GRIN2B: variants seen among roughly 807,000 people sequenced by gnomAD.
The protein encoded by GRIN2B is glutamate receptor ionotropic, NMDA 2B.
Under a neutral mutation model 114.5 loss-of-function variants are expected in GRIN2B, and 5 were observed. That is an observed-to-expected ratio of 0.04 (90% CI 0.02 to 0.09). The LOEUF is 0.09. GRIN2B is among the 10% of genes least tolerant of loss of function. The pLI, the probability that GRIN2B is intolerant of heterozygous loss-of-function variation, is 1.00. For missense variants in GRIN2B, 1,108 were observed against 1,943.5 expected (o/e 0.57, Z 8.08); for synonymous variants, 787 against 745.1 (o/e 1.06, Z -0.92).
intron 5 of GRIN2B, among the ~76,000 whole-genome samples, chr12:13,654,972 G>A (rs1265425162): frequency 1.3e-5 from 2 of 151,936 alleles, no homozygotes; most frequent in Non-Finnish European, 2.9e-5. Flanking sequence ...GAACCCAGGA[G>A]AACAAAAAAC....
At chr12:13,566,286 T>C (rs1948638472) in intron 13 of GRIN2B, among the ~76,000 whole-genome samples, 1 of 152,206 alleles carries the variant, frequency 6.6e-6, no homozygotes, top group South Asian at 2.1e-4. Flanking sequence ...AGACCTTCAT[T>C]CTAAAAGGAC....
intron 5 of GRIN2B, among the ~76,000 whole-genome samples, chr12:13,663,973 A>G (rs1949950132): frequency 6.6e-6 from 1 of 152,236 alleles, no homozygotes; most frequent in Admixed American, 6.5e-5. Context: ...TTAAAACTTT[A>G]CAGTTTGAGG....
At chr12:13,867,015 A>T (rs1054736138) in intron 2 of GRIN2B, among the ~76,000 whole-genome samples, 3 of 152,226 alleles carry the variant, frequency 2.0e-5, no homozygotes, top group Non-Finnish European at 4.4e-5. Flanking sequence ...TTTGTATTCC[A>T]ATATGTGTTC....
At chr12:13,666,251 CTTTAAG>C (rs1949974265) in intron 5 of GRIN2B, among the ~76,000 whole-genome samples, 1 of 152,160 alleles carries the variant, frequency 6.6e-6, no homozygotes. Context: ...CACAGATTTG[CTTTAAG>C]TTTAAACCTT....
At chr12:13,792,343 A>G (rs982123662) in intron 3 of GRIN2B, among the ~76,000 whole-genome samples, 1 of 152,272 alleles carries the variant, frequency 6.6e-6, no homozygotes, top group African/African-American at 2.4e-5. Flanking sequence ...TAACAGAGCT[A>G]TAGTCATAGG....
At chr12:13,631,168 A>G (rs947272304) in intron 5 of GRIN2B, among the ~76,000 whole-genome samples, 1 of 152,178 alleles carries the variant, frequency 6.6e-6, no homozygotes, top group African/African-American at 2.4e-5. Context: ...GAGCCAAACC[A>G]TATCAGGTGC....
rs141881935 is a variant in GRIN2B, at chr12:13,547,881, C to T, written c.*14902G>A. 7.0e-4 allele frequency: 105 copies of T among 150,946 alleles called. No individual in the cohort carries two copies. Among genetic ancestry groups the T allele is most frequent in the African/African-American group, 2.5e-3 (102 of 41,200 alleles). The allele number at this position is 150,946 out of a possible 1,614,324, so 9.4% of individuals were successfully genotyped here. ...GAATTCCTTGCCCATCTTCTAACTTCCACCCAGATATCTGGCTTCTGTCAA... is the reference window on the plus strand; with the variant it reads ...GAATTCCTTGCCCATCTTCTAACTTTCACCCAGATATCTGGCTTCTGTCAA... On this transcript the variant is annotated 3_prime_UTR_variant, in exon 14 of 14. Transcript: ENST00000609686.
chr12:13,554,165 G>C lies in GRIN2B; in HGVS notation c.*8618C>G, dbSNP rs563612317. The C allele has an allele frequency of 6.6e-6, 1 of 152,224 alleles. No individual in the cohort carries two copies. Among genetic ancestry groups the C allele is most frequent in the South Asian group, 2.1e-4 (1 of 4,806 alleles). 9.4% of individuals were successfully genotyped at this position (152,224 alleles called of 1,614,324 possible). On this transcript the variant is annotated 3_prime_UTR_variant, in exon 14 of 14. Transcript: ENST00000609686. ...CAAGGCACTCTGTTTAGTGCTACAG[G>C]AGATAAAAAGATTTAAAAATACATG...
At position 13,610,871 on chromosome 12, in the gene GRIN2B, C is replaced by G. The variant is rs116237212; in HGVS notation, c.1780+854G>C. 8.0e-3 allele frequency among the ~76,000 whole-genome samples: 1,221 copies of G among 152,202 alleles called. 17 individuals are homozygous for G. Among genetic ancestry groups the G allele is most frequent in the African/African-American group, 0.028 (1,145 of 41,508 alleles). On this transcript the variant is annotated intron_variant, in intron 9 of 13. Coordinates refer to ENST00000609686, the MANE Select transcript of GRIN2B (RefSeq NM_000834.5). ...CCAAGCACCTGTGTCTTTTAGATGCCCCATAGATCATTCTTATGTGTAGCC... is the reference window on the plus strand; with the variant it reads ...CCAAGCACCTGTGTCTTTTAGATGCGCCATAGATCATTCTTATGTGTAGCC...
At chr12:13,792,805 C>A (rs553217555) in intron 3 of GRIN2B, among the ~76,000 whole-genome samples, 2 of 152,292 alleles carry the variant, frequency 1.3e-5, no homozygotes, top group Admixed American at 6.5e-5. Flanking sequence ...CCAGGAAAAA[C>A]CAGGAAACAC....
At chr12:13,884,010 T>A (rs765399264) in intron 2 of GRIN2B, among the ~76,000 whole-genome samples, 15 of 152,190 alleles carry the variant, frequency 9.9e-5, no homozygotes, top group Non-Finnish European at 1.9e-4. Flanking sequence ...GCTGTATGTA[T>A]GTTTTGCATA....
Position 13,553,884 on chromosome 12 carries a change from A to G in GRIN2B, c.*8899T>C, listed in dbSNP as rs1272776293. Reference sequence around the variant, plus strand: ...GTTCCAAGTACACTTTCCTAACCATAAAACAGTCCAAAACAACTTCAAAGG... The same window carrying G: ...GTTCCAAGTACACTTTCCTAACCATGAAACAGTCCAAAACAACTTCAAAGG... On this transcript the variant is annotated 3_prime_UTR_variant, in exon 14 of 14. Transcript: ENST00000609686. The G allele has an allele frequency of 6.6e-6, 1 of 152,196 alleles. No individual in the cohort carries two copies. The highest frequency in any genetic ancestry group is 6.5e-5 in the Admixed American group (1 of 15,276). The allele number at this position is 152,196 out of a possible 1,614,324, so 9.4% of individuals were successfully genotyped here. A position where few individuals can be genotyped will look rare whatever the true frequency, so the allele number is the denominator to read the frequency against.
chr12:13,817,313 G>A (rs1353436612), intron 3 of GRIN2B, among the ~76,000 whole-genome samples: 2 of 147,968 alleles, frequency 1.4e-5, no homozygotes, highest in African/African-American at 4.9e-5. Context: ...TACTCTAGCT[G>A]GGCTGGAGCA....
chr12:13,617,251 G>A (rs958241262), intron 5 of GRIN2B, among the ~76,000 whole-genome samples: 1 of 152,240 alleles, frequency 6.6e-6, no homozygotes, highest in African/African-American at 2.4e-5. Context: ...TACTAACACT[G>A]TTTGGGAAGG....
intron 4 of GRIN2B, among the ~76,000 whole-genome samples, chr12:13,684,142 G>A (rs1476899455): frequency 1.3e-5 from 2 of 151,996 alleles, no homozygotes; most frequent in East Asian, 3.9e-4. Flanking sequence ...TTTTTTTGCA[G>A]TGGGCAGTCA....
intron 3 of GRIN2B, among the ~76,000 whole-genome samples, chr12:13,781,130 T>G (rs1864105414): frequency 6.6e-6 from 1 of 152,192 alleles, no homozygotes; most frequent in Non-Finnish European, 1.5e-5. Flanking sequence ...TTCAGCATTT[T>G]AATCAATAAC....
At chr12:13,766,090 T>C (rs1403727750) in intron 3 of GRIN2B, among the ~76,000 whole-genome samples, 1 of 152,246 alleles carries the variant, frequency 6.6e-6, no homozygotes, top group East Asian at 1.9e-4. Context: ...TACTCTGCAG[T>C]GTTCTTCTAC....
At position 13,753,825 on chromosome 12, in the gene GRIN2B, T is replaced by C. The variant is rs1863532402; in HGVS notation, c.502A>G (p.Ile168Val). The C allele has an allele frequency of 6.2e-7, 1 of 1,613,604 alleles. No homozygotes were observed. Reference protein sequence around the residue: ...LNIMEEYDWYIFSIVTTYFPG... With the variant: ...LNIMEEYDWYVFSIVTTYFPG... ...AAATAGGTGGTGACGATAGAAAAGA[T>C]GTACCAGTCATATTCTTCCATGATG... The change falls in exon 4 of 14, where the codon ATC (isoleucine) becomes GTC (valine). Residue 168 changes from isoleucine to valine, a missense_variant. This residue lies in a region of GRIN2B where 199 missense variants were observed against 439.6 expected (regional missense o/e 0.45). Transcript: ENST00000609686. This position sits in a 1 kb window ranked among gnomAD's most constrained non-coding sequence, Gnocchi z 6.2.
At chr12:13,706,580 T>TAATCTCAC (rs151321921) in intron 4 of GRIN2B, among the ~76,000 whole-genome samples, 2 of 152,162 alleles carry the variant, frequency 1.3e-5, no homozygotes, top group African/African-American at 4.8e-5. Context: ...GTCCCCAAAT[T>TAATCTCAC]AATCTCACAC....
Sources: gnomAD v4.1 joint callset for allele counts (sites outside exome capture counted in the v4.1 genomes callset) on GRCh38, gnomAD v4.1.1 for gene constraint, gnomAD v4.1.1 regional missense constraint, Gnocchi (gnomAD v3.1) non-coding constraint, MANE v1.5 for transcripts, NCBI Gene and HGNC (gene_info 2026-07-23, HGNC 2026-07-21) for gene names.